The following SLC25A29 variants were observed in gnomAD, a reference collection of about 807,000 sequenced individuals.
SLC25A29 encodes mitochondrial basic amino acids transporter.
SLC25A29 carries 13 observed loss-of-function variants against 10.0 expected under a neutral mutation model. The ratio of observed to expected loss-of-function variants is 1.30; its 90% CI spans 0.85 to 2.07. The LOEUF is 2.07. Among genes scored for constraint, SLC25A29 ranks in the 30% most tolerant of loss-of-function variants. The pLI is 0.00. For missense variants in SLC25A29, 475 were observed against 447.6 expected (o/e 1.06, Z -0.55); for synonymous variants, 244 against 221.1 (o/e 1.10, Z -0.92).
chr14:100,288,435 C>G (rs915021585), downstream of SLC25A29, among the ~76,000 whole-genome samples: 1 of 136,138 alleles, frequency 7.3e-6, no homozygotes, highest in African/African-American at 2.7e-5. Flanking sequence ...TTTGATTAGA[C>G]ATACTGAAGC....
intron 1 of SLC25A29, chr14:100,299,309 T>G: frequency 9.8e-7 from 1 of 1,022,806 alleles, no homozygotes; most frequent in Non-Finnish European, 1.2e-6. Context: ...ATTTGAATTT[T>G]CCCCCTGCCG....
At chr14:100,297,348 A>G (rs1180820701) in intron 2 of SLC25A29, among the ~76,000 whole-genome samples, 1 of 152,162 alleles carries the variant, frequency 6.6e-6, no homozygotes, top group East Asian at 1.9e-4. Context: ...AGGACAGCAG[A>G]GCACCAGAAC....
the SLC25A29 span, chr14:100,282,764 T>C: frequency 6.6e-6 from 1 of 152,354 alleles, no homozygotes; most frequent in East Asian, 1.9e-4. Flanking sequence ...CTATACAATA[T>C]AATAAATGCA....
intron 1 of SLC25A29, among the ~76,000 whole-genome samples, chr14:100,300,962 C>A (rs551694002): frequency 6.6e-6 from 1 of 151,756 alleles, no homozygotes; most frequent in East Asian, 1.9e-4. Context: ...TGTAGTGTTG[C>A]GGTCTCGGCT....
chr14:100,304,022 G>A (rs534242214), intron 1 of SLC25A29, among the ~76,000 whole-genome samples: 19 of 152,304 alleles, frequency 1.2e-4, no homozygotes, highest in Admixed American at 2.6e-4. Context: ...CACCATGCAA[G>A]GCCTCAAGGA....
chr14:100,299,434 G>A (rs1448189874), intron 1 of SLC25A29: 6 of 991,634 alleles, frequency 6.1e-6, no homozygotes, highest in Non-Finnish European at 7.2e-6. Context: ...ACAGGGTAAT[G>A]GCCCCTTGGG....
At chr14:100,295,796 C>T (rs1263380877) in intron 2 of SLC25A29, 3 of 1,289,652 alleles carry the variant, frequency 2.3e-6, no homozygotes, top group Middle Eastern at 4.3e-4. Context: ...ACTCCCCATC[C>T]CATGCCCAGG....
the SLC25A29 span, among the ~76,000 whole-genome samples, chr14:100,284,650 A>G: frequency 4.6e-5 from 7 of 152,198 alleles, no homozygotes; most frequent in African/African-American, 1.7e-4. Flanking sequence ...GATTCGATCA[A>G]TGCAATTATG....
intron 2 of SLC25A29, chr14:100,296,600 C>T (rs1052135598): frequency 6.6e-6 from 1 of 152,008 alleles, no homozygotes; most frequent in African/African-American, 2.4e-5. Context: ...GTGCACTTTC[C>T]TTCTTTTTTC....
intron 1 of SLC25A29, among the ~76,000 whole-genome samples, chr14:100,301,989 G>A (rs903470745): frequency 1.3e-5 from 2 of 151,534 alleles, no homozygotes; most frequent in South Asian, 2.1e-4. Context: ...AATGCACAAC[G>A]ATGCCCTCTC....
intron 2 of SLC25A29, 165 bp downstream of exon 2, chr14:100,298,677 C>G (rs1892333413): frequency 3.5e-6 from 3 of 866,020 alleles, no homozygotes; most frequent in Admixed American, 3.9e-5. Flanking sequence ...TCAGCCCCAG[C>G]TGGGAGATGC....
chr14:100,293,437 G>T, intron 2 of SLC25A29, 60 bp from the exon 3 acceptor site: 3 of 1,526,746 alleles, frequency 2.0e-6, no homozygotes, highest in Non-Finnish European at 2.7e-6. Flanking sequence ...CAGCTCCCGG[G>T]TCTGGTGCTT....
rs545517211 is a variant in SLC25A29 at position 100,299,569 on chromosome 14, C to T, written c.35-684G>A. On this transcript the variant is annotated intron_variant, in intron 1 of 3. Coordinates refer to ENST00000359232, the MANE Select transcript of SLC25A29 (RefSeq NM_001039355.3). ...TCATCCTTGGTTCTTCAGGTCCTGC[C>T]AAAAATCCAGCCCCTCTTGAAGGAC... is the stretch of plus-strand genomic sequence containing the variant. The T allele has an allele frequency of 1.2e-5, 12 of 985,818 alleles. No homozygotes were observed. The South Asian group carries it at 3.3e-4, about 27-fold the overall frequency. The allele number at this position is 985,818 out of a possible 1,614,324, so 61.1% of individuals were successfully genotyped here.
chr14:100,285,333 C>A, the SLC25A29 span, among the ~76,000 whole-genome samples: 4 of 152,040 alleles, frequency 2.6e-5, no homozygotes, highest in Non-Finnish European at 5.9e-5. Flanking sequence ...GGCCTGTCCC[C>A]CACGCTGCTC....
intron 2 of SLC25A29, among the ~76,000 whole-genome samples, chr14:100,296,755 C>A (rs969757561): frequency 6.6e-6 from 1 of 152,118 alleles, no homozygotes; most frequent in African/African-American, 2.4e-5. Context: ...CCCGCCACCA[C>A]GCCCGGCTAA....
chr14:100,289,881 G>A (rs928328316), downstream of SLC25A29, among the ~76,000 whole-genome samples: 2 of 146,200 alleles, frequency 1.4e-5, no homozygotes, highest in Non-Finnish European at 3.0e-5. Context: ...AAAAGAAAAT[G>A]TAAAATAAAT....
chr14:100,296,799 C>T (rs565261348), intron 2 of SLC25A29, among the ~76,000 whole-genome samples: 25 of 152,264 alleles, frequency 1.6e-4, no homozygotes, highest in Admixed American at 8.5e-4. Context: ...AGAGTTTCAC[C>T]GTGTTAGCCA....
At chr14:100,279,056 C>T in the SLC25A29 span, 1 of 152,192 alleles carries the variant, frequency 6.6e-6, no homozygotes, top group Non-Finnish European at 1.5e-5. Flanking sequence ...GGGTGCAAAT[C>T]GGCAAGGTGA....
At chr14:100,299,398 T>G in intron 1 of SLC25A29, 1 of 995,692 alleles carries the variant, frequency 1.0e-6, no homozygotes, top group Non-Finnish European at 1.2e-6. Flanking sequence ...TTTACCTCCC[T>G]CCCCCAGAGT....
Sources: gnomAD v4.1 joint callset for allele counts (sites outside exome capture counted in the v4.1 genomes callset) on GRCh38, gnomAD v4.1.1 for gene constraint, MANE v1.5 for transcripts, NCBI Gene and HGNC (gene_info 2026-07-23, HGNC 2026-07-21) for gene names.